CSMD1: variants seen among roughly 807,000 people sequenced by gnomAD.
CSMD1 encodes CUB and Sushi multiple domains 1.
In CSMD1, 213 loss-of-function variants were observed where a neutral mutation model predicts 417.5. The observed-to-expected ratio is 0.51, with a 90% CI of 0.46 to 0.57. CSMD1 has a LOEUF of 0.57. CSMD1 is among the 20% of genes least tolerant of loss of function. The pLI, the probability that CSMD1 is intolerant of heterozygous loss-of-function variation, is 0.00. For missense variants in CSMD1, 6,923 were observed against 4,529.7 expected, an observed-to-expected ratio of 1.53 and a Z score of -15.17; for synonymous variants, 2,862 against 1,736.8, an observed-to-expected ratio of 1.65 and a Z score of -16.11.
intron 3 of CSMD1, among the ~76,000 whole-genome samples, chr8:4,344,466 A>G (rs1277757682): frequency 6.6e-6 from 1 of 151,962 alleles, no homozygotes; most frequent in Non-Finnish European, 1.5e-5. Flanking sequence ...TTCTTTTACA[A>G]ATGTCTACCT....
At chr8:3,948,393 G>C (rs1244396643) in intron 5 of CSMD1, among the ~76,000 whole-genome samples, 1 of 152,168 alleles carries the variant, frequency 6.6e-6, no homozygotes, top group Admixed American at 6.5e-5. Flanking sequence ...GCATACAGGA[G>C]AGGGAGGGAG....
At chr8:4,750,562 C>CT in intron 1 of CSMD1, among the ~76,000 whole-genome samples, 1 of 152,140 alleles carries the variant, frequency 6.6e-6, no homozygotes, top group African/African-American at 2.4e-5. Context: ...TAGGTCAGAT[C>CT]TTTTTTCACT....
intron 54 of CSMD1, among the ~76,000 whole-genome samples, chr8:2,986,950 A>G (rs1456138947): frequency 6.6e-6 from 1 of 152,138 alleles, no homozygotes. Context: ...TAATAACACA[A>G]GGAAGTGGCA....
intron 3 of CSMD1, among the ~76,000 whole-genome samples, chr8:4,127,204 G>A (rs572801148): frequency 2.0e-5 from 3 of 151,820 alleles, no homozygotes; most frequent in South Asian, 2.1e-4. Context: ...GTGGCTGTCC[G>A]GCCCCCTCCA....
At chr8:4,182,307 C>A (rs1798424733) in intron 3 of CSMD1, among the ~76,000 whole-genome samples, 1 of 151,946 alleles carries the variant, frequency 6.6e-6, no homozygotes, top group African/African-American at 2.4e-5. Flanking sequence ...CTAAGCTTGC[C>A]CTTGGTTTCA....
chr8:4,055,204 A>C (rs1348113562), intron 3 of CSMD1, among the ~76,000 whole-genome samples: 1 of 152,188 alleles, frequency 6.6e-6, no homozygotes, highest in Non-Finnish European at 1.5e-5. Context: ...CAATTTTCTT[A>C]TTCAATTTTT....
chr8:3,241,068 AG>A (rs1426071052), intron 26 of CSMD1, among the ~76,000 whole-genome samples: 20 of 145,342 alleles, frequency 1.4e-4, no homozygotes, highest in Admixed American at 2.2e-4. Context: ...GGTTAAGGTG[AG>A]GGGATACAAG....
intron 1 of CSMD1, among the ~76,000 whole-genome samples, chr8:4,930,095 G>A (rs923878460): frequency 5.3e-5 from 8 of 152,254 alleles, no homozygotes; most frequent in African/African-American, 1.9e-4. Context: ...TCTCGCCCTA[G>A]CTCTGTCACT....
intron 26 of CSMD1, among the ~76,000 whole-genome samples, chr8:3,263,559 C>A (rs1013434552): frequency 6.6e-6 from 1 of 152,066 alleles, no homozygotes; most frequent in African/African-American, 2.4e-5. Context: ...GTAATACATT[C>A]AAGTAATTTT....
intron 3 of CSMD1, among the ~76,000 whole-genome samples, chr8:4,284,824 G>C (rs186199741): frequency 7.9e-5 from 12 of 151,996 alleles, no homozygotes; most frequent in African/African-American, 2.7e-4. Context: ...ATGTGGCCGT[G>C]TTCAAAAACA....
At chr8:3,317,005 A>G (rs865964966) in intron 23 of CSMD1, among the ~76,000 whole-genome samples, 26 of 152,100 alleles carry the variant, frequency 1.7e-4, no homozygotes, top group Middle Eastern at 3.2e-3. Flanking sequence ...GTGTGCGTGG[A>G]TGAAGCATGC....
chr8:4,206,530 G>C (rs532476901), intron 3 of CSMD1, among the ~76,000 whole-genome samples: 1 of 152,196 alleles, frequency 6.6e-6, no homozygotes, highest in African/African-American at 2.4e-5. Context: ...CTTTTTTATG[G>C]CTGCCTAGTA....
chr8:4,972,964 A>C (rs1189692548), intron 1 of CSMD1, among the ~76,000 whole-genome samples: 1 of 152,184 alleles, frequency 6.6e-6, no homozygotes, highest in African/African-American at 2.4e-5. Flanking sequence ...TCATTTTAAA[A>C]ATTAAAAATC....
intron 7 of CSMD1, among the ~76,000 whole-genome samples, chr8:3,687,097 A>G (rs535709274): frequency 3.3e-5 from 5 of 152,372 alleles, no homozygotes; most frequent in African/African-American, 9.6e-5. Context: ...TATGTCCAAT[A>G]AAATGCAGGA....
chr8:4,773,479 T>C (rs1244510269), intron 1 of CSMD1, among the ~76,000 whole-genome samples: 5 of 152,172 alleles, frequency 3.3e-5, no homozygotes, highest in African/African-American at 1.2e-4. Flanking sequence ...AGATTCTTTG[T>C]GTTCATGGAT....
chr8:4,684,859 G>A (rs1584942843), intron 1 of CSMD1, among the ~76,000 whole-genome samples: 2 of 152,090 alleles, frequency 1.3e-5, no homozygotes, highest in African/African-American at 4.8e-5. Context: ...ACAAACCTGT[G>A]CTACTCTTTC....
intron 20 of CSMD1, among the ~76,000 whole-genome samples, chr8:3,360,212 C>T (rs952877099): frequency 1.3e-5 from 2 of 152,152 alleles, no homozygotes; most frequent in African/African-American, 4.8e-5. Context: ...ACTAAAATTA[C>T]TATAAACCAT....
chr8:3,008,023 G>A (rs867230739), intron 52 of CSMD1, among the ~76,000 whole-genome samples: 2 of 152,122 alleles, frequency 1.3e-5, no homozygotes, highest in African/African-American at 4.8e-5. Context: ...AAAAAGGGGA[G>A]TTATTTTAAC....
chr8:4,918,166 G>C (rs556342806), intron 1 of CSMD1, among the ~76,000 whole-genome samples: 3 of 152,292 alleles, frequency 2.0e-5, no homozygotes, highest in African/African-American at 7.2e-5. Context: ...TCCCGTGTTG[G>C]TGTTGGTGAC....
Sources: allele counts gnomAD v4.1 joint callset (sites outside exome capture counted in the v4.1 genomes callset), GRCh38; gene constraint gnomAD v4.1.1; transcripts MANE v1.5; gene names NCBI Gene and HGNC (gene_info 2026-07-23, HGNC 2026-07-21).